The following SRRM4 variants were observed in gnomAD, a reference collection of about 807,000 sequenced individuals.
SRRM4 encodes the protein serine/arginine repetitive matrix protein 4.
A neutral mutation model predicts 68.9 loss-of-function variants in SRRM4; 33 were observed. That is an observed-to-expected ratio of 0.48 (90% CI 0.36 to 0.64). The LOEUF (loss-of-function observed/expected upper bound fraction) is 0.64. Ranked by LOEUF, SRRM4 falls within the 30% of genes least tolerant of loss-of-function variation. The pLI is 0.00. For missense variants in SRRM4, 817 were observed against 827.1 expected (o/e 0.99, Z 0.15); for synonymous variants, 318 against 318.8 (o/e 1.00, Z 0.03).
chr12:118,990,775 C>G (rs575797214), intron 1 of SRRM4, among the ~76,000 whole-genome samples: 24 of 152,262 alleles, frequency 1.6e-4, no homozygotes, highest in African/African-American at 5.8e-4. Context: ...AGCCCTCTCT[C>G]CCTCCATCTA....
At chr12:119,125,102 G>T (rs773230263) in intron 6 of SRRM4, among the ~76,000 whole-genome samples, 3 of 152,250 alleles carry the variant, frequency 2.0e-5, no homozygotes, top group Middle Eastern at 3.4e-3. Context: ...TCTGCCTAGG[G>T]TGTCATCTGG....
intron 2 of SRRM4, among the ~76,000 whole-genome samples, chr12:119,105,566 G>A (rs1427994158): frequency 1.3e-5 from 2 of 152,114 alleles, no homozygotes; most frequent in South Asian, 2.1e-4. Context: ...TTCTCTGATG[G>A]CCCGTGATGA....
intron 1 of SRRM4, 47 bp downstream of exon 1, chr12:118,982,060 C>G (rs12823077): frequency 1.3e-6 from 2 of 1,565,954 alleles, no homozygotes; most frequent in African/African-American, 1.4e-5. Context: ...GTCCTCCTTT[C>G]TGGCCTGTGC....
At chr12:119,111,757 T>C (rs993024148) in intron 2 of SRRM4, among the ~76,000 whole-genome samples, 3 of 152,210 alleles carry the variant, frequency 2.0e-5, no homozygotes, top group African/African-American at 4.8e-5. Flanking sequence ...AGGAAATAAT[T>C]TGGTGGCCGG....
chr12:119,043,636 A>G (rs1421447891), intron 1 of SRRM4, among the ~76,000 whole-genome samples: 1 of 152,176 alleles, frequency 6.6e-6, no homozygotes, highest in Non-Finnish European at 1.5e-5. Context: ...TCAGCAGGGC[A>G]CAGAGCAATA....
At chr12:119,097,541 T>G (rs1415872507) in intron 1 of SRRM4, among the ~76,000 whole-genome samples, 1 of 152,224 alleles carries the variant, frequency 6.6e-6, no homozygotes, top group Non-Finnish European at 1.5e-5. Context: ...TTTCTGTTGG[T>G]TTTATTGCAA....
rs10533651 is a variant in SRRM4, at chr12:118,982,669, G to GTTTTTT, written c.131+660_131+665dup. Among the ~76,000 whole-genome samples the GTTTTTT allele has an allele frequency of 1.3e-4, 15 of 115,712 alleles. 1 individual carries two copies. Among genetic ancestry groups the GTTTTTT allele is most frequent in the South Asian group, 6.0e-4 (2 of 3,332 alleles). The allele number at this position is 115,712 out of a possible 152,430, so 75.9% of individuals were successfully genotyped here. A position where few individuals can be genotyped will look rare whatever the true frequency, so the allele number is the denominator to read the frequency against. ...GATGATCTTGGAAGAGTTTTATTTT[G>GTTTTTT]TTTTTTTTTGTTTTTTTTTTTTTTT... On this transcript the variant is annotated intron_variant, in intron 1 of 12. Coordinates refer to ENST00000267260, the MANE Select transcript of SRRM4 (RefSeq NM_194286.4).
intron 1 of SRRM4, among the ~76,000 whole-genome samples, chr12:118,998,927 G>T (rs1953366753): frequency 6.6e-6 from 1 of 152,210 alleles, no homozygotes; most frequent in Non-Finnish European, 1.5e-5. Flanking sequence ...CAAGACAGTG[G>T]TTTGGGGTAT....
chr12:119,160,435 T>C lies in SRRM4; in HGVS notation c.*3637T>C, dbSNP rs964160275. On this transcript the variant is annotated 3_prime_UTR_variant, in exon 13 of 13. Coordinates refer to ENST00000267260, the MANE Select transcript of SRRM4 (RefSeq NM_194286.4). ...CAGAACCTCCCATTCCCAGTATCGC[T>C]GTTCCTACGCCCATTTCACCCTCAT... The C allele has an allele frequency of 3.3e-5, 5 of 152,234 alleles. No individual in the cohort carries two copies. Among genetic ancestry groups the C allele is most frequent in the Non-Finnish European group, 7.3e-5 (5 of 68,058 alleles). The allele number at this position is 152,234 out of a possible 1,614,324, so 9.4% of individuals were successfully genotyped here. A position where few individuals can be genotyped will look rare whatever the true frequency, so the allele number is the denominator to read the frequency against.
At chr12:119,054,684 G>T (rs1953766021) in intron 1 of SRRM4, among the ~76,000 whole-genome samples, 1 of 152,182 alleles carries the variant, frequency 6.6e-6, no homozygotes. Flanking sequence ...TACATGAAAA[G>T]TTGAATGGCT....
chr12:119,086,021 C>G (rs888533113), intron 1 of SRRM4, among the ~76,000 whole-genome samples: 1 of 152,086 alleles, frequency 6.6e-6, no homozygotes, highest in African/African-American at 2.4e-5. Flanking sequence ...ACTCAAGCCT[C>G]TTTAGGAAAA....
chr12:119,106,870 G>A (rs1161954943), intron 2 of SRRM4, among the ~76,000 whole-genome samples: 1 of 152,204 alleles, frequency 6.6e-6, no homozygotes, highest in Non-Finnish European at 1.5e-5. Context: ...GTGAGAGAGG[G>A]CATCCCTGTC....
chr12:119,010,657 T>C (rs1448996388), intron 1 of SRRM4, among the ~76,000 whole-genome samples: 3 of 152,190 alleles, frequency 2.0e-5, no homozygotes, highest in Non-Finnish European at 1.5e-5. Context: ...TATCAAAAAT[T>C]TTAAAAAATC....
intron 1 of SRRM4, among the ~76,000 whole-genome samples, chr12:119,041,038 C>T (rs1953665304): frequency 6.6e-6 from 1 of 152,158 alleles, no homozygotes; most frequent in Non-Finnish European, 1.5e-5. Flanking sequence ...GCATGAGTCA[C>T]CATGCCTGGT....
rs180729542 is a variant in SRRM4, at chr12:119,054,164, C to T, written c.132-48072C>T. 3.3e-5 allele frequency among the ~76,000 whole-genome samples: 5 copies of T among 152,294 alleles called. No homozygotes were observed. In the East Asian group the frequency reaches 9.6e-4, roughly 29 times the overall value. Reference sequence around the variant, plus strand: ...TTGTCTTTCTGTGCCTGGCTTATTTCACTTAACGTAATGATCTCCAGTTCC... The same window carrying T: ...TTGTCTTTCTGTGCCTGGCTTATTTTACTTAACGTAATGATCTCCAGTTCC... On this transcript the variant is annotated intron_variant, in intron 1 of 12. Transcript: ENST00000267260.
At position 118,981,860 on chromosome 12, in the gene SRRM4, GC is replaced by G. The variant is rs748667923; in HGVS notation, c.-19del. The G allele has an allele frequency of 9.9e-6, 16 of 1,608,958 alleles. No individual in the cohort carries two copies. Among genetic ancestry groups the G allele is most frequent in the East Asian group, 8.9e-5 (4 of 44,758 alleles). On this transcript the variant is annotated 5_prime_UTR_variant, in exon 1 of 13. Transcript: ENST00000267260. The stretch of plus-strand genomic sequence containing the variant: ...CAGCACTTTGGACAGCGCCCCGGAC[GC>G]CCCGGCCCCTTTGGGTTGGCGATGG...
At chr12:119,028,591 G>A (rs1252012858) in intron 1 of SRRM4, among the ~76,000 whole-genome samples, 1 of 152,102 alleles carries the variant, frequency 6.6e-6, no homozygotes, top group East Asian at 1.9e-4. Flanking sequence ...TCAGGCTCAG[G>A]TATATCTTTA....
rs1440756380 is a variant in SRRM4 at position 119,134,380 on chromosome 12, TG to T, written c.771+3547del. On this transcript the variant is annotated intron_variant, in intron 8 of 12. Coordinates refer to ENST00000267260, the MANE Select transcript of SRRM4 (RefSeq NM_194286.4). Reference sequence around the variant, plus strand: ...CAAGGTACTGGGGAGGCAGAGAGATTGTAAAAAAAAAAAAAAAAGAAGAAAA... The same window carrying T: ...CAAGGTACTGGGGAGGCAGAGAGATTTAAAAAAAAAAAAAAAAGAAGAAAA... Among the ~76,000 whole-genome samples the T allele has an allele frequency of 3.8e-4, 43 of 112,530 alleles. 1 individual carries two copies. The highest frequency in any genetic ancestry group is 3.0e-3 in the Admixed American group (33 of 10,926). 73.8% of individuals were successfully genotyped at this position (112,530 alleles called of 152,430 possible).
chr12:119,116,079 C>A (rs1467115020), intron 3 of SRRM4, among the ~76,000 whole-genome samples: 1 of 152,204 alleles, frequency 6.6e-6, no homozygotes, highest in African/African-American at 2.4e-5. Context: ...CTACTCCCTA[C>A]TGTCTTCCAC....
Sources: allele counts gnomAD v4.1 joint callset (sites outside exome capture counted in the v4.1 genomes callset), GRCh38; gene constraint gnomAD v4.1.1; transcripts MANE v1.5; gene names NCBI Gene and HGNC (gene_info 2026-07-23, HGNC 2026-07-21).